Variants in HFM1 observed in about 807,000 individuals in gnomAD.
HFM1 encodes the protein probable ATP-dependent DNA helicase HFM1.
Under a neutral mutation model 192.1 loss-of-function variants are expected in HFM1, and 169 were observed. The observed-to-expected ratio is 0.88, with a 90% CI of 0.78 to 1.00. The LOEUF (loss-of-function observed/expected upper bound fraction) is 1.00, where lower values mean the gene tolerates loss of function less well. HFM1 is among the 50% of genes least tolerant of loss of function. HFM1 has a pLI of 0.00. For missense variants in HFM1, 1,661 were observed against 1,668.0 expected (o/e 1.00, Z 0.07); for synonymous variants, 525 against 537.8 (o/e 0.98, Z 0.33).
chr1:91,380,177 T>C lies in HFM1; in HGVS notation c.933A>G (p.Val311=), dbSNP rs144947710. The change falls in exon 8 of 39, where the codon GTA becomes GTG. Residue 311 remains valine (V), a synonymous_variant. Coordinates refer to ENST00000370425, the MANE Select transcript of HFM1 (RefSeq NM_001017975.6). Reference sequence around the variant, plus strand: ...ATCTTGTTATAGCTAGTTCAAACACTACAGTTTTTCCAGAACCAGTTGGAG... The same window carrying C: ...ATCTTGTTATAGCTAGTTCAAACACCACAGTTTTTCCAGAACCAGTTGGAG... ...ICAPTGSGKT[V]VFELAITRLL... 9.2e-3 allele frequency: 14,443 copies of C among 1,563,466 alleles called. 143 individuals are homozygous for C. The highest frequency in any genetic ancestry group is 0.044 in the Middle Eastern group (263 of 5,924).
intron 20 of HFM1, among the ~76,000 whole-genome samples, chr1:91,336,060 C>T (rs771341805): frequency 6.7e-5 from 10 of 150,218 alleles, no homozygotes; most frequent in African/African-American, 1.2e-4. Flanking sequence ...CTCCTGCCCT[C>T]CCCTCCTCCC....
chr1:91,321,753 T>C (rs1652148330), intron 23 of HFM1, among the ~76,000 whole-genome samples: 1 of 152,080 alleles, frequency 6.6e-6, no homozygotes, highest in South Asian at 2.1e-4. Flanking sequence ...ATGATATGTA[T>C]AAAAACAATT....
chr1:91,317,434 C>A (rs915893122), intron 25 of HFM1, among the ~76,000 whole-genome samples: 4 of 151,748 alleles, frequency 2.6e-5, no homozygotes, highest in Non-Finnish European at 4.4e-5. Flanking sequence ...AAACAAACAA[C>A]AAAAAAAATC....
chr1:91,283,104 TG>T (rs1667612818), intron 30 of HFM1, among the ~76,000 whole-genome samples: 1 of 152,172 alleles, frequency 6.6e-6, no homozygotes, highest in African/African-American at 2.4e-5. Context: ...TTGTTACGAA[TG>T]GTACTTTGAA....
chr1:91,383,233 A>G (rs1301990191), intron 6 of HFM1, among the ~76,000 whole-genome samples: 1 of 152,174 alleles, frequency 6.6e-6, no homozygotes, highest in Admixed American at 6.6e-5. Context: ...AAATCCTCAA[A>G]GCTCTTTAAA....
At chr1:91,283,779 G>A (rs755414439) in intron 30 of HFM1, among the ~76,000 whole-genome samples, 6 of 152,080 alleles carry the variant, frequency 3.9e-5, no homozygotes, top group East Asian at 1.9e-4. Flanking sequence ...AACAGGTGGC[G>A]GGGCAAGGGT....
intron 13 of HFM1, among the ~76,000 whole-genome samples, chr1:91,353,643 G>A (rs1657278422): frequency 1.2e-5 from 1 of 81,998 alleles, no homozygotes; most frequent in East Asian, 4.2e-4. Flanking sequence ...TATATTACTA[G>A]TAAATAAGCA....
At chr1:91,332,482 A>C (rs1382989875) in intron 20 of HFM1, among the ~76,000 whole-genome samples, 3 of 152,322 alleles carry the variant, frequency 2.0e-5, no homozygotes, top group Non-Finnish European at 4.4e-5. Context: ...TAAATCTAAC[A>C]ACTCAAACTA....
chr1:91,366,526 G>A (rs1456288410), intron 13 of HFM1, among the ~76,000 whole-genome samples: 2 of 151,968 alleles, frequency 1.3e-5, no homozygotes, highest in Admixed American at 6.6e-5. Flanking sequence ...ATACCTACAC[G>A]TTTTAAAAAA....
Position 91,269,438 on chromosome 1 carries a change from T to C in HFM1, c.3773-1583A>G, listed in dbSNP as rs72964495. Among the ~76,000 whole-genome samples the C allele has an allele frequency of 2.3e-3, 354 of 152,290 alleles. 1 individual carries two copies. The highest frequency in any genetic ancestry group is 8.0e-3 in the African/African-American group (333 of 41,564). On this transcript the variant is annotated intron_variant, in intron 34 of 38. Coordinates refer to ENST00000370425, the MANE Select transcript of HFM1 (RefSeq NM_001017975.6). ...AATAATCATCTCTCATAAGTTAGTA[T>C]AAACTTGCTCCAGCATATCACTGAG...
intron 26 of HFM1, 88 bp downstream of exon 26, chr1:91,316,303 A>C: frequency 9.9e-7 from 1 of 1,014,098 alleles, no homozygotes; most frequent in Non-Finnish European, 1.5e-6. Context: ...TGAAATACTT[A>C]TAACTATGAG....
At chr1:91,268,514 A>G (rs186477769) in intron 34 of HFM1, among the ~76,000 whole-genome samples, 17 of 152,164 alleles carry the variant, frequency 1.1e-4, no homozygotes, top group African/African-American at 4.1e-4. Context: ...TAAGGCAACA[A>G]CAGTACCTAC....
chr1:91,305,213 C>G (rs1209548002), intron 30 of HFM1, among the ~76,000 whole-genome samples: 2 of 152,150 alleles, frequency 1.3e-5, no homozygotes, highest in African/African-American at 4.8e-5. Flanking sequence ...AAAACTACAG[C>G]TAGGATTTTG....
chr1:91,373,579 T>C (rs1660523216), intron 13 of HFM1, among the ~76,000 whole-genome samples: 1 of 151,910 alleles, frequency 6.6e-6, no homozygotes, highest in Non-Finnish European at 1.5e-5. Context: ...CAGATCCTCA[T>C]GGCTTGGTGC....
At chr1:91,340,879 C>A (rs141831891) in intron 20 of HFM1, among the ~76,000 whole-genome samples, 1 of 152,092 alleles carries the variant, frequency 6.6e-6, no homozygotes, top group African/African-American at 2.4e-5. Flanking sequence ...AAGTTCAACA[C>A]AACAAAAAGA....
At chr1:91,373,280 C>G (rs1366842076) in intron 13 of HFM1, among the ~76,000 whole-genome samples, 1 of 151,884 alleles carries the variant, frequency 6.6e-6, no homozygotes, top group Non-Finnish European at 1.5e-5. Flanking sequence ...TGACCCAAAG[C>G]GGAGAGAAGT....
chr1:91,357,209 T>C (rs755378552), intron 13 of HFM1, among the ~76,000 whole-genome samples: 1 of 152,116 alleles, frequency 6.6e-6, no homozygotes, highest in Non-Finnish European at 1.5e-5. Context: ...CAATAAAATA[T>C]ATGCAAACTG....
chr1:91,351,006 A>G (rs566915774), intron 17 of HFM1, 135 bp from the exon 18 acceptor site: 1 of 696,116 alleles, frequency 1.4e-6, no homozygotes, highest in Non-Finnish European at 2.1e-6. Context: ...CAAAAACATA[A>G]AAGAAAACCT....
chr1:91,391,007 A>T (rs1044353947), intron 4 of HFM1, among the ~76,000 whole-genome samples: 7 of 152,298 alleles, frequency 4.6e-5, no homozygotes, highest in East Asian at 3.9e-4. Flanking sequence ...CACAATTGCT[A>T]CAAAGAGAAT....
Sources: allele counts gnomAD v4.1 joint callset (sites outside exome capture counted in the v4.1 genomes callset), GRCh38; gene constraint gnomAD v4.1.1; transcripts MANE v1.5; gene names NCBI Gene and HGNC (gene_info 2026-07-23, HGNC 2026-07-21).